The following UBE2W variants were observed in gnomAD, a reference collection of about 807,000 sequenced individuals.
The protein encoded by UBE2W is ubiquitin conjugating enzyme E2 W.
Under a neutral mutation model 27.2 loss-of-function variants are expected in UBE2W, and 18 were observed. The ratio of observed to expected loss-of-function variants is 0.66; its 90% CI spans 0.46 to 0.98. UBE2W has a LOEUF of 0.98. Ranked by LOEUF, UBE2W falls within the 50% of genes least tolerant of loss-of-function variation. The pLI is 0.00. For synonymous variants in UBE2W, 53 were observed against 57.2 expected (o/e 0.93, Z 0.33); for missense variants, 90 against 180.2 (o/e 0.50, Z 2.87).
chr8:73,816,741 T>G (rs1809402325), intron 3 of UBE2W, among the ~76,000 whole-genome samples: 1 of 152,134 alleles, frequency 6.6e-6, no homozygotes, highest in African/African-American at 2.4e-5. Flanking sequence ...GCTAAAAGTC[T>G]CTAAAACAAG....
intron 2 of UBE2W, among the ~76,000 whole-genome samples, chr8:73,826,219 T>C (rs1586484384): frequency 6.6e-6 from 1 of 152,234 alleles, no homozygotes; most frequent in Non-Finnish European, 1.5e-5. Context: ...ATAACAATCA[T>C]AAACATAAAT....
rs564213377 is a variant in UBE2W, at chr8:73,810,358, T to C, written c.366+116A>G. ...TTACTAAACATGAAATTCCCTATAA[T>C]TTTCAAATAAAAAGCATAAATCCTT... On this transcript the variant is annotated intron_variant, in intron 4 of 5. Coordinates refer to ENST00000602593, the MANE Select transcript of UBE2W (RefSeq NM_018299.6). 161 of 1,055,642 alleles carry C rather than the reference T, an allele frequency of 1.5e-4. 2 individuals carry two copies. The South Asian group carries it at 2.9e-3, about 19-fold the overall frequency. The allele number at this position is 1,055,642 out of a possible 1,614,324, so 65.4% of individuals were successfully genotyped here. A position where few individuals can be genotyped will look rare whatever the true frequency, so the allele number is the denominator to read the frequency against.
rs1808234478 is a variant in UBE2W, at chr8:73,792,228, T to C, written c.*1874A>G. On this transcript the variant is annotated 3_prime_UTR_variant, in exon 6 of 6. Coordinates refer to ENST00000602593, the MANE Select transcript of UBE2W (RefSeq NM_018299.6). Reference sequence around the variant, plus strand: ...GGCCAACTAATAAAACTGACAGAGATCATTGTGAGAATTTATCTAGTCAAG... The same window carrying C: ...GGCCAACTAATAAAACTGACAGAGACCATTGTGAGAATTTATCTAGTCAAG... 1 of 985,630 alleles carries C rather than the reference T, an allele frequency of 1.0e-6. No individual in the cohort carries two copies. The highest frequency in any genetic ancestry group is 6.2e-5 in the Admixed American group (1 of 16,254). The allele number at this position is 985,630 out of a possible 1,614,324, so 61.1% of individuals were successfully genotyped here.
intron 1 of UBE2W, among the ~76,000 whole-genome samples, chr8:73,846,194 CAGG>C (rs757120617): frequency 7.2e-5 from 11 of 152,038 alleles, no homozygotes; most frequent in Non-Finnish European, 1.6e-4. Flanking sequence ...TCGAGACCAG[CAGG>C]ACCAACATGA....
intron 5 of UBE2W, chr8:73,796,509 G>C: frequency 2.8e-6 from 1 of 358,764 alleles, no homozygotes; most frequent in Non-Finnish European, 3.9e-6. Context: ...AGTATAGTAG[G>C]TTTTCTGTAG....
chr8:73,840,060 CT>C (rs201831079), intron 1 of UBE2W, among the ~76,000 whole-genome samples: 3,222 of 150,226 alleles, frequency 0.021, 120 homozygotes, highest in African/African-American at 0.075. Flanking sequence ...TTTTTCTTTT[CT>C]TTTTTTTCCC....
At chr8:73,865,548 G>C (rs563064529) in intron 1 of UBE2W, among the ~76,000 whole-genome samples, 2 of 152,166 alleles carry the variant, frequency 1.3e-5, no homozygotes, top group Non-Finnish European at 2.9e-5. Flanking sequence ...GGAGGCCAAG[G>C]CTGCAGTGAG....
chr8:73,836,004 AAAC>A (rs1810295805), intron 1 of UBE2W, among the ~76,000 whole-genome samples: 1 of 152,218 alleles, frequency 6.6e-6, no homozygotes, highest in African/African-American at 2.4e-5. Context: ...AGCCAGAATC[AAAC>A]AACTATGCCT....
intron 1 of UBE2W, among the ~76,000 whole-genome samples, chr8:73,833,470 C>T (rs1205023875): frequency 6.6e-6 from 1 of 151,902 alleles, no homozygotes; most frequent in Non-Finnish European, 1.5e-5. Context: ...TAATGAACAT[C>T]GTTTATAGTA....
At chr8:73,865,616 C>T (rs754460687) in intron 1 of UBE2W, among the ~76,000 whole-genome samples, 1 of 152,038 alleles carries the variant, frequency 6.6e-6, no homozygotes, top group Non-Finnish European at 1.5e-5. Context: ...TGTCTCAAAA[C>T]GAACAAAAAA....
chr8:73,825,629 G>C (rs987964064), intron 2 of UBE2W, among the ~76,000 whole-genome samples: 17 of 151,942 alleles, frequency 1.1e-4, no homozygotes, highest in African/African-American at 3.9e-4. Flanking sequence ...TGGTGAAACC[G>C]GTCTCTACTA....
intron 1 of UBE2W, among the ~76,000 whole-genome samples, chr8:73,851,010 C>T (rs2130949188): frequency 6.6e-6 from 1 of 151,882 alleles, no homozygotes; most frequent in South Asian, 2.1e-4. Flanking sequence ...CAGGCATGCA[C>T]CACCACACCC....
At chr8:73,819,427 A>G (rs1043876801) in intron 3 of UBE2W, among the ~76,000 whole-genome samples, 1 of 152,196 alleles carries the variant, frequency 6.6e-6, no homozygotes, top group Non-Finnish European at 1.5e-5. Context: ...TCCAAATACT[A>G]AACAGATTAT....
At position 73,788,637 on chromosome 8, in the gene UBE2W, A is replaced by G; in HGVS notation, c.*5465T>C. The G allele has an allele frequency of 2.0e-6, 2 of 985,448 alleles. No homozygotes were observed. The highest frequency in any genetic ancestry group is 2.4e-6 in the Non-Finnish European group (2 of 829,942). The allele number at this position is 985,448 out of a possible 1,614,324, so 61.0% of individuals were successfully genotyped here. The stretch of plus-strand genomic sequence containing the variant: ...GTAAGTTTCAGGCTTCAAAAGAGGC[A>G]GGATTATTAAATCTTTCCATACACC... On this transcript the variant is annotated 3_prime_UTR_variant, in exon 6 of 6. Transcript: ENST00000602593.
intron 1 of UBE2W, among the ~76,000 whole-genome samples, chr8:73,873,897 C>T (rs763121361): frequency 6.6e-6 from 1 of 152,112 alleles, no homozygotes; most frequent in Non-Finnish European, 1.5e-5. Context: ...TTAGAGTTGA[C>T]AAACATCAAC....
At chr8:73,811,910 T>C (rs1205715111) in intron 3 of UBE2W, among the ~76,000 whole-genome samples, 1 of 151,984 alleles carries the variant, frequency 6.6e-6, no homozygotes, top group Non-Finnish European at 1.5e-5. Context: ...TGCTATAGTT[T>C]AATATGGAAT....
At chr8:73,794,362 T>A (rs1808327624) in intron 5 of UBE2W, among the ~76,000 whole-genome samples, 1 of 152,224 alleles carries the variant, frequency 6.6e-6, no homozygotes, top group Admixed American at 6.5e-5. Flanking sequence ...ACATTCTATT[T>A]AAAATAATAA....
chr8:73,842,365 T>C (rs1013170357), intron 1 of UBE2W, among the ~76,000 whole-genome samples: 5 of 151,066 alleles, frequency 3.3e-5, no homozygotes, highest in Admixed American at 2.0e-4. Flanking sequence ...CTGTCTCGAC[T>C]AAAAATACAA....
At chr8:73,800,094 C>T (rs371969191) in intron 5 of UBE2W, among the ~76,000 whole-genome samples, 4 of 152,058 alleles carry the variant, frequency 2.6e-5, no homozygotes, top group African/African-American at 9.7e-5. Flanking sequence ...CCTGTGACTG[C>T]TATTCTGATA....
Sources: gnomAD v4.1 joint callset for allele counts (sites outside exome capture counted in the v4.1 genomes callset) on GRCh38, gnomAD v4.1.1 for gene constraint, MANE v1.5 for transcripts, NCBI Gene and HGNC (gene_info 2026-07-23, HGNC 2026-07-21) for gene names.